FOXP1: variants seen among roughly 807,000 people sequenced by gnomAD.
The protein encoded by FOXP1 is forkhead box protein P1.
FOXP1 carries 15 observed loss-of-function variants against 98.2 expected under a neutral mutation model. The ratio of observed to expected loss-of-function variants is 0.15; its 90% CI spans 0.10 to 0.24. FOXP1 has a LOEUF of 0.24. FOXP1 is among the 10% of genes least tolerant of loss of function. FOXP1 has a pLI of 1.00. For missense variants in FOXP1, 633 were observed against 848.5 expected, an observed-to-expected ratio of 0.75 and a Z score of 3.15; for synonymous variants, 371 against 314.5, an observed-to-expected ratio of 1.18 and a Z score of -1.90.
At chr3:71,326,375 A>C (rs2075691744) in intron 4 of FOXP1, among the ~76,000 whole-genome samples, 1 of 152,226 alleles carries the variant, frequency 6.6e-6, no homozygotes, top group African/African-American at 2.4e-5. Context: ...GCTCGGATGA[A>C]AAATAACAGT....
chr3:71,391,330 T>C (rs1447095914), intron 3 of FOXP1, among the ~76,000 whole-genome samples: 3 of 152,170 alleles, frequency 2.0e-5, no homozygotes, highest in Non-Finnish European at 4.4e-5. Context: ...GGTTGAAAAA[T>C]CTGCCTAACT....
At chr3:70,989,723 T>A (rs1396242065) in intron 13 of FOXP1, among the ~76,000 whole-genome samples, 2 of 152,148 alleles carry the variant, frequency 1.3e-5, no homozygotes, top group Non-Finnish European at 2.9e-5. Context: ...CAAGCAGTAG[T>A]CTGTCATGCT....
chr3:71,377,337 T>C (rs994941945), intron 3 of FOXP1, among the ~76,000 whole-genome samples: 1 of 152,202 alleles, frequency 6.6e-6, no homozygotes, highest in Non-Finnish European at 1.5e-5. Flanking sequence ...AAAACAATAC[T>C]TGGAAATATT....
intron 3 of FOXP1, among the ~76,000 whole-genome samples, chr3:71,418,438 A>G (rs2108313236): frequency 6.6e-6 from 1 of 152,322 alleles, no homozygotes; most frequent in Non-Finnish European, 1.5e-5. Context: ...TGGGCTCCAT[A>G]ATTTAAATCT....
intron 5 of FOXP1, among the ~76,000 whole-genome samples, chr3:71,235,226 A>T (rs6776058): frequency 0.17 from 26,388 of 152,140 alleles, 2,470 homozygotes; most frequent in African/African-American, 0.23. Context: ...TTGGTGTATA[A>T]CTCACTTTTC....
chr3:71,583,543 G>C (rs1338247372), intron 1 of FOXP1, 28 bp downstream of exon 1: 1 of 983,698 alleles, frequency 1.0e-6, no homozygotes, highest in Non-Finnish European at 1.2e-6. Context: ...GGAAAAAGTG[G>C]AGCAGAAATG....
At chr3:71,540,020 C>A (rs1264000071) in intron 2 of FOXP1, among the ~76,000 whole-genome samples, 4 of 152,220 alleles carry the variant, frequency 2.6e-5, no homozygotes, top group Non-Finnish European at 4.4e-5. Context: ...GCAGAAAACA[C>A]TTAAAATCTG....
At chr3:71,252,344 T>G (rs115272004) in intron 5 of FOXP1, among the ~76,000 whole-genome samples, 249 of 152,328 alleles carry the variant, frequency 1.6e-3, no homozygotes, top group African/African-American at 5.6e-3. Context: ...AAGTAAATAA[T>G]GAATTTCCTC....
chr3:71,345,836 GATAGGCT>G (rs2077304914), intron 4 of FOXP1, among the ~76,000 whole-genome samples: 2 of 119,800 alleles, frequency 1.7e-5, no homozygotes, highest in East Asian at 5.6e-4. Context: ...AGGGACTACC[GATAGGCT>G]ATAGGTTTGA....
chr3:71,492,287 C>A (rs948235873), intron 3 of FOXP1, among the ~76,000 whole-genome samples: 1 of 151,756 alleles, frequency 6.6e-6, no homozygotes, highest in Non-Finnish European at 1.5e-5. Flanking sequence ...CCCTGTCTCT[C>A]CTAAAAGTAC....
chr3:71,569,184 A>G (rs1333646563), intron 2 of FOXP1, among the ~76,000 whole-genome samples: 1 of 152,212 alleles, frequency 6.6e-6, no homozygotes, highest in East Asian at 1.9e-4. Flanking sequence ...CAAGACACAG[A>G]TGTCACTAAT....
chr3:71,087,104 T>C lies in FOXP1; in HGVS notation c.282+25432A>G, dbSNP rs545570937. Among the ~76,000 whole-genome samples, 3 of 152,330 alleles carry C rather than the reference T, an allele frequency of 2.0e-5. No individual in the cohort carries two copies. The South Asian group carries it at 6.2e-4, about 32-fold the overall frequency. On this transcript the variant is annotated intron_variant, in intron 7 of 20. Transcript: ENST00000649528. ...GTGAGATAAAGAGAGGGCTAGGGAC[T>C]GAATTCCAACAAAGAGCTCTTATAG... is the stretch of plus-strand genomic sequence containing the variant.
chr3:71,260,310 C>G (rs758497764), intron 5 of FOXP1, among the ~76,000 whole-genome samples: 1 of 151,922 alleles, frequency 6.6e-6, no homozygotes, highest in Admixed American at 6.6e-5. Context: ...AGGGAAGGCT[C>G]GGGGCGCGGG....
intron 3 of FOXP1, among the ~76,000 whole-genome samples, chr3:71,396,071 G>C (rs2081352568): frequency 6.6e-6 from 1 of 152,062 alleles, no homozygotes; most frequent in Non-Finnish European, 1.5e-5. Context: ...AAAAGAGAAG[G>C]CTTAAAGAAG....
intron 5 of FOXP1, among the ~76,000 whole-genome samples, chr3:71,271,472 T>C (rs76942323): frequency 0.048 from 7,310 of 152,230 alleles, 331 homozygotes; most frequent in African/African-American, 0.12. Flanking sequence ...AATCTGGAAT[T>C]ACCAGATTTC....
rs542379857 is a variant in FOXP1 at position 71,302,392 on chromosome 3, C to T, written c.-72-2512G>A. ...AAGCATACAACTTCCCTTTCCAATA[C>T]TATATTTGCTATTTTCTTTAAATCA... is the stretch of plus-strand genomic sequence containing the variant. On this transcript the variant is annotated intron_variant, in intron 4 of 20. Transcript: ENST00000649528. 4.0e-5 allele frequency among the ~76,000 whole-genome samples: 6 copies of T among 151,688 alleles called. No homozygotes were observed. The South Asian group carries it at 1.3e-3, about 32-fold the overall frequency.
intron 2 of FOXP1, among the ~76,000 whole-genome samples, chr3:71,506,738 T>C (rs1451529877): frequency 6.6e-6 from 1 of 152,210 alleles, no homozygotes; most frequent in Non-Finnish European, 1.5e-5. Flanking sequence ...TGCTGGCTCT[T>C]GCATCCAGAT....
At chr3:71,111,321 G>A (rs961965078) in intron 7 of FOXP1, among the ~76,000 whole-genome samples, 3 of 152,182 alleles carry the variant, frequency 2.0e-5, no homozygotes, top group Admixed American at 2.0e-4. Flanking sequence ...TTAAACGTGA[G>A]CATGAAGACC....
chr3:71,059,049 T>C (rs553499505), intron 7 of FOXP1, among the ~76,000 whole-genome samples: 1 of 152,312 alleles, frequency 6.6e-6, no homozygotes, highest in African/African-American at 2.4e-5. Context: ...CAAAATCATC[T>C]AGGTAGTCAG....
Sources: allele counts gnomAD v4.1 joint callset (sites outside exome capture counted in the v4.1 genomes callset), GRCh38; gene constraint gnomAD v4.1.1; transcripts MANE v1.5; gene names NCBI Gene and HGNC (gene_info 2026-07-23, HGNC 2026-07-21).